Variants in SHISA9 observed in about 807,000 individuals in gnomAD.
SHISA9 encodes protein shisa-9.
In SHISA9, 13 loss-of-function variants were observed where a neutral mutation model predicts 38.0. That is an observed-to-expected ratio of 0.34 (90% CI 0.22 to 0.54). SHISA9 has a LOEUF of 0.54. Ranked by LOEUF, SHISA9 falls within the 20% of genes least tolerant of loss-of-function variation. The probability of loss-of-function intolerance (pLI) is 0.91; values close to 1 mark genes in which losing one functional copy is unlikely to be tolerated. For synonymous variants in SHISA9, 275 were observed against 242.0 expected (o/e 1.14, Z -1.27); for missense variants, 538 against 575.8 (o/e 0.93, Z 0.67).
chr16:13,533,385 T>C, the SHISA9 span, among the ~76,000 whole-genome samples: 1 of 152,216 alleles, frequency 6.6e-6, no homozygotes, highest in Non-Finnish European at 1.5e-5. Flanking sequence ...CTTACTGGCC[T>C]CTCCTTACCC....
At chr16:13,070,486 C>T (rs774849831) in intron 2 of SHISA9, among the ~76,000 whole-genome samples, 30 of 152,192 alleles carry the variant, frequency 2.0e-4, no homozygotes, top group Non-Finnish European at 1.2e-4. Context: ...GAGGGACATT[C>T]TCCGGGATAC....
chr16:12,983,662 G>C (rs535647225), intron 2 of SHISA9, among the ~76,000 whole-genome samples: 69 of 152,226 alleles, frequency 4.5e-4, no homozygotes, highest in Admixed American at 9.8e-4. Context: ...CTAATTTTTT[G>C]TATTTCTAGT....
the SHISA9 span, among the ~76,000 whole-genome samples, chr16:13,344,271 G>C: frequency 8.5e-5 from 13 of 152,158 alleles, no homozygotes; most frequent in Non-Finnish European, 1.3e-4. Flanking sequence ...TGGAGAACCA[G>C]CCAGTAGGTC....
the SHISA9 span, among the ~76,000 whole-genome samples, chr16:13,362,371 T>A: frequency 6.6e-6 from 1 of 151,828 alleles, no homozygotes. Context: ...GAGGCTGCAG[T>A]GAGCAGTGAT....
chr16:13,143,772 G>A (rs2050423218), intron 2 of SHISA9, among the ~76,000 whole-genome samples: 2 of 152,208 alleles, frequency 1.3e-5, no homozygotes, highest in Admixed American at 1.3e-4. Flanking sequence ...GGCAATGCTT[G>A]AGCTAGCTTG....
At chr16:12,909,518 A>C (rs1455070063) in intron 1 of SHISA9, 106 of 985,318 alleles carry the variant, frequency 1.1e-4, no homozygotes, top group Non-Finnish European at 1.2e-4. Flanking sequence ...TGTCATTGTA[A>C]TTGGAAAGAA....
At chr16:13,501,444 C>G in the SHISA9 span, among the ~76,000 whole-genome samples, 1 of 152,238 alleles carries the variant, frequency 6.6e-6, no homozygotes, top group South Asian at 2.1e-4. Flanking sequence ...GTGGGAGGGT[C>G]TTTGAAAGGC....
chr16:13,049,156 ATGTG>A (rs10526925), intron 2 of SHISA9, among the ~76,000 whole-genome samples: 7,287 of 63,152 alleles, frequency 0.12, 140 homozygotes, highest in Non-Finnish European at 0.18. Context: ...GGTTAGGAGT[ATGTG>A]TGTGTGTGTG....
chr16:13,411,987 A>C, the SHISA9 span, among the ~76,000 whole-genome samples: 6 of 152,074 alleles, frequency 3.9e-5, no homozygotes, highest in Admixed American at 2.6e-4. Flanking sequence ...GGTGTGAAAA[A>C]ATTTTTCAGA....
chr16:13,163,647 G>C (rs761504974), intron 2 of SHISA9, among the ~76,000 whole-genome samples: 1 of 151,858 alleles, frequency 6.6e-6, no homozygotes, highest in African/African-American at 2.4e-5. Context: ...CATTTATTTA[G>C]GTCTTTTAAA....
At chr16:12,935,518 T>A (rs780622858) in intron 2 of SHISA9, among the ~76,000 whole-genome samples, 1 of 152,062 alleles carries the variant, frequency 6.6e-6, no homozygotes, top group Admixed American at 6.6e-5. Context: ...TATGTGATCA[T>A]GGGAAGCTCA....
At chr16:13,013,352 G>A (rs2072702108) in intron 2 of SHISA9, among the ~76,000 whole-genome samples, 1 of 152,188 alleles carries the variant, frequency 6.6e-6, no homozygotes, top group Admixed American at 6.5e-5. Context: ...CCTGGGGCCT[G>A]TCCTGGCTTT....
the SHISA9 span, among the ~76,000 whole-genome samples, chr16:13,453,359 T>C: frequency 6.6e-6 from 1 of 152,196 alleles, no homozygotes; most frequent in African/African-American, 2.4e-5. Context: ...TGTAATTCTG[T>C]AACTCCCTGG....
chr16:13,165,589 G>T (rs551462257), intron 2 of SHISA9, among the ~76,000 whole-genome samples: 1 of 152,166 alleles, frequency 6.6e-6, no homozygotes, highest in Non-Finnish European at 1.5e-5. Context: ...CTGATACGTG[G>T]AGAAACTGAG....
At chr16:13,156,353 G>T (rs767801059) in intron 2 of SHISA9, among the ~76,000 whole-genome samples, 1 of 152,158 alleles carries the variant, frequency 6.6e-6, no homozygotes, top group Admixed American at 6.5e-5. Context: ...CTAAATGAGT[G>T]TTAGCCCATT....
chr16:13,292,766 G>A, the SHISA9 span, among the ~76,000 whole-genome samples: 5 of 152,202 alleles, frequency 3.3e-5, 1 homozygote, highest in African/African-American at 9.6e-5. Context: ...TACCCTGAGA[G>A]GTTATCTAGA....
At chr16:13,428,550 C>T in the SHISA9 span, among the ~76,000 whole-genome samples, 1,342 of 152,238 alleles carry the variant, frequency 8.8e-3, 13 homozygotes, top group African/African-American at 0.028. Flanking sequence ...TGGATAGCTT[C>T]CTTGAAGTGG....
intron 2 of SHISA9, among the ~76,000 whole-genome samples, chr16:13,126,919 T>C (rs1596666590): frequency 1.4e-5 from 1 of 70,426 alleles, no homozygotes; most frequent in Admixed American, 1.7e-4. Context: ...AGAGAGAGAC[T>C]GAGGGAAGGA....
the SHISA9 span, among the ~76,000 whole-genome samples, chr16:13,479,773 C>T: frequency 6.6e-6 from 1 of 152,170 alleles, no homozygotes; most frequent in Non-Finnish European, 1.5e-5. Flanking sequence ...ATACAATTGT[C>T]AGGTTCACTG....
Sources: allele counts gnomAD v4.1 joint callset (sites outside exome capture counted in the v4.1 genomes callset), GRCh38; gene constraint gnomAD v4.1.1; transcripts MANE v1.5; gene names NCBI Gene and HGNC (gene_info 2026-07-23, HGNC 2026-07-21).